TBC1D19: variants seen among roughly 807,000 people sequenced by gnomAD.
The protein encoded by TBC1D19 is TBC1 domain family member 19.
In TBC1D19, 60 loss-of-function variants were observed where a neutral mutation model predicts 89.0. The observed-to-expected ratio is 0.67, with a 90% CI of 0.55 to 0.84. The LOEUF is 0.84. Among genes scored for constraint, TBC1D19 ranks in the 40% least tolerant of loss-of-function variants. The pLI is 0.00. For missense variants in TBC1D19, 500 were observed against 610.8 expected (o/e 0.82, Z 1.91); for synonymous variants, 189 against 199.7 (o/e 0.95, Z 0.45).
intron 13 of TBC1D19, among the ~76,000 whole-genome samples, chr4:26,717,320 C>T (rs1367120118): frequency 2.0e-5 from 3 of 152,034 alleles, no homozygotes; most frequent in Admixed American, 1.3e-4. Context: ...AAATTCCAGG[C>T]TGGTGTCCTC....
intron 11 of TBC1D19, among the ~76,000 whole-genome samples, chr4:26,679,807 G>A (rs750640358): frequency 6.6e-6 from 1 of 152,244 alleles, no homozygotes; most frequent in Non-Finnish European, 1.5e-5. Context: ...ATGCTGGAAT[G>A]AGTTGAAACT....
chr4:26,722,428 A>T (rs532092517), intron 15 of TBC1D19, among the ~76,000 whole-genome samples: 2 of 152,232 alleles, frequency 1.3e-5, no homozygotes, highest in South Asian at 4.1e-4. Flanking sequence ...ACTCTTTTTT[A>T]TGCCTCCTAC....
At chr4:26,675,192 TG>T (rs1179614469) in intron 11 of TBC1D19, among the ~76,000 whole-genome samples, 3 of 152,200 alleles carry the variant, frequency 2.0e-5, no homozygotes, top group South Asian at 2.1e-4. Context: ...GTAGATGCAC[TG>T]CCAACTTAAC....
chr4:26,757,188 T>C (rs1008603444), downstream of TBC1D19, among the ~76,000 whole-genome samples: 1 of 152,158 alleles, frequency 6.6e-6, no homozygotes, highest in Admixed American at 6.5e-5. Context: ...TAAGTTTTTG[T>C]ATTTTTAGTA....
At chr4:26,653,340 T>C (rs574022347) in intron 7 of TBC1D19, among the ~76,000 whole-genome samples, 10 of 152,190 alleles carry the variant, frequency 6.6e-5, no homozygotes, top group Non-Finnish European at 1.2e-4. Context: ...AGAATGTATA[T>C]TCTGTTGACT....
chr4:26,628,946 A>G (rs1742615868), intron 4 of TBC1D19, among the ~76,000 whole-genome samples: 2 of 152,086 alleles, frequency 1.3e-5, no homozygotes, highest in Non-Finnish European at 2.9e-5. Flanking sequence ...AAGGTAATTT[A>G]TAGATTCAAT....
At chr4:26,842,574 T>C in the TBC1D19 span, among the ~76,000 whole-genome samples, 28 of 118,158 alleles carry the variant, frequency 2.4e-4, no homozygotes, top group Non-Finnish European at 4.4e-4. Flanking sequence ...TCCTTTTCCT[T>C]CCTCCCTCCC....
chr4:26,665,556 G>A (rs1237829575), intron 8 of TBC1D19, among the ~76,000 whole-genome samples: 2 of 151,888 alleles, frequency 1.3e-5, no homozygotes, highest in African/African-American at 4.8e-5. Context: ...GAAGTCTGGA[G>A]AATAAATCTG....
chr4:26,641,464 T>C (rs540303725), intron 7 of TBC1D19, among the ~76,000 whole-genome samples: 1 of 152,106 alleles, frequency 6.6e-6, no homozygotes, highest in East Asian at 1.9e-4. Context: ...ACCACAAACA[T>C]GGGGAGAAAC....
At chr4:26,735,697 C>T (rs1038544640) in intron 16 of TBC1D19, among the ~76,000 whole-genome samples, 2 of 151,996 alleles carry the variant, frequency 1.3e-5, no homozygotes, top group African/African-American at 2.4e-5. Flanking sequence ...ACAAAAAGAA[C>T]ACCACTTTAT....
At chr4:26,773,801 C>G in the TBC1D19 span, among the ~76,000 whole-genome samples, 1 of 152,096 alleles carries the variant, frequency 6.6e-6, no homozygotes, top group Non-Finnish European at 1.5e-5. Flanking sequence ...TTTCTGAGTT[C>G]TCTGTTCTGT....
At chr4:26,628,337 T>C (rs1742567321) in intron 4 of TBC1D19, among the ~76,000 whole-genome samples, 1 of 152,176 alleles carries the variant, frequency 6.6e-6, no homozygotes, top group Non-Finnish European at 1.5e-5. Flanking sequence ...TCCAGCTTTG[T>C]TCTTTTGGCT....
the TBC1D19 span, among the ~76,000 whole-genome samples, chr4:26,842,583 CCTTTCTTTCTTTCTTTCTTTCTTT>C: frequency 4.0e-4 from 28 of 70,608 alleles, no homozygotes; most frequent in East Asian, 1.5e-3. Flanking sequence ...TTCCTCCCTC[CCTTTCTTTCTTTCTTTCTTTCTTT>C]CTTTCTTTCT....
At chr4:26,824,340 G>A in the TBC1D19 span, among the ~76,000 whole-genome samples, 1 of 152,212 alleles carries the variant, frequency 6.6e-6, no homozygotes. Flanking sequence ...TGGATTTTCT[G>A]TCATTTGCAG....
chr4:26,726,983 C>T (rs938929883), intron 15 of TBC1D19, among the ~76,000 whole-genome samples: 21 of 152,180 alleles, frequency 1.4e-4, no homozygotes, highest in African/African-American at 4.3e-4. Context: ...TAAAATTATT[C>T]ACATTGAGTG....
intron 4 of TBC1D19, among the ~76,000 whole-genome samples, chr4:26,633,592 A>G (rs1742935804): frequency 6.6e-6 from 1 of 152,138 alleles, no homozygotes; most frequent in African/African-American, 2.4e-5. Context: ...TTTACAGATA[A>G]CGGCAGTCCT....
At chr4:26,660,159 G>A (rs1023599838) in intron 8 of TBC1D19, among the ~76,000 whole-genome samples, 33 of 152,142 alleles carry the variant, frequency 2.2e-4, no homozygotes, top group Non-Finnish European at 4.3e-4. Context: ...TCTGGAGACC[G>A]TAATATTTTT....
chr4:26,738,442 G>A (rs1022480618), intron 16 of TBC1D19, among the ~76,000 whole-genome samples: 5 of 151,602 alleles, frequency 3.3e-5, no homozygotes, highest in African/African-American at 1.2e-4. Flanking sequence ...CCATATATTT[G>A]TACCACACTG....
At chr4:26,833,772 T>C in the TBC1D19 span, among the ~76,000 whole-genome samples, 1 of 152,214 alleles carries the variant, frequency 6.6e-6, no homozygotes. Flanking sequence ...CCCCAGCCAG[T>C]AGGTGGGTTC....
Sources: allele counts gnomAD v4.1 joint callset (sites outside exome capture counted in the v4.1 genomes callset), GRCh38; gene constraint gnomAD v4.1.1; transcripts MANE v1.5; gene names NCBI Gene and HGNC (gene_info 2026-07-23, HGNC 2026-07-21).